SGO2: variants seen among roughly 807,000 people sequenced by gnomAD.
SGO2 encodes shugoshin 2.
A neutral mutation model predicts 99.5 loss-of-function variants in SGO2; 68 were observed. The observed-to-expected ratio is 0.68, with a 90% CI of 0.56 to 0.84. SGO2 has a LOEUF of 0.84. Among genes scored for constraint, SGO2 ranks in the 40% least tolerant of loss-of-function variants. The pLI is 0.00. For missense variants in SGO2, 1,350 were observed against 1,436.7 expected (o/e 0.94, Z 0.97); for synonymous variants, 457 against 487.1 (o/e 0.94, Z 0.81).
rs772961464 is a variant in SGO2 at position 200,535,031 on chromosome 2, A to G, written c.169A>G (p.Asn57Asp). 1.3e-6 allele frequency: 2 copies of G among 1,540,672 alleles called. No homozygotes were observed. The highest frequency in any genetic ancestry group is 1.7e-6 in the Non-Finnish European group (2 of 1,156,028). The change falls in exon 3 of 9, where the codon AAC becomes GAC. Residue 57 changes from asparagine to aspartate, a missense_variant. Physicochemically the swap from Asn to Asp is conservative, Grantham distance 23. Transcript: ENST00000357799. ...TATTTTCAAAATATCTTTAAAGCAC[A>G]ACAACAGGGCATTAGCTCAGGCTCT... is the stretch of plus-strand genomic sequence containing the variant. ...SSIFKISLKH[N>D]NRALAQALSR...
intron 5 of SGO2, among the ~76,000 whole-genome samples, chr2:200,556,548 G>A (rs139451474): frequency 4.4e-4 from 67 of 152,172 alleles, no homozygotes; most frequent in Non-Finnish European, 7.8e-4. Context: ...ACGAAGGGAA[G>A]CCAGAAGTCA....
In SGO2 at chr2:200,583,984, T is replaced by G. The variant is rs894645336; in HGVS notation, c.*520T>G. ...TTTCTATTATATGTAATCTGATGACTTAGAGGAGGAGATTAACCTTTCAGG... is the reference window on the plus strand; with the variant it reads ...TTTCTATTATATGTAATCTGATGACGTAGAGGAGGAGATTAACCTTTCAGG... On this transcript the variant is annotated 3_prime_UTR_variant, in exon 9 of 9. Coordinates refer to ENST00000357799, the MANE Select transcript of SGO2 (RefSeq NM_152524.6). 6.6e-6 allele frequency among the ~76,000 whole-genome samples: 1 copy of G among 152,246 alleles called. No homozygotes were observed. Among genetic ancestry groups the G allele is most frequent in the Admixed American group, 6.5e-5 (1 of 15,292 alleles).
intron 5 of SGO2, among the ~76,000 whole-genome samples, chr2:200,565,637 G>C (rs556841518): frequency 1.3e-5 from 2 of 152,288 alleles, no homozygotes; most frequent in East Asian, 1.9e-4. Context: ...AGTTTTCCTG[G>C]ATAATATCCG....
chr2:200,553,820 T>C (rs955413510), intron 5 of SGO2, among the ~76,000 whole-genome samples: 1 of 152,140 alleles, frequency 6.6e-6, no homozygotes, highest in Non-Finnish European at 1.5e-5. Flanking sequence ...AGTAAATTCC[T>C]CTCTTCTTGA....
chr2:200,561,794 T>G (rs2032983162), intron 5 of SGO2, among the ~76,000 whole-genome samples: 1 of 152,180 alleles, frequency 6.6e-6, no homozygotes, highest in Non-Finnish European at 1.5e-5. Flanking sequence ...TTGATTTGCA[T>G]TTCTCTGATG....
chr2:200,541,789 G>A (rs1035659255), intron 4 of SGO2, among the ~76,000 whole-genome samples: 15 of 152,138 alleles, frequency 9.9e-5, no homozygotes, highest in Admixed American at 6.5e-5. Flanking sequence ...GGTGAGTGTG[G>A]AAGTTTAGGT....
In SGO2 at chr2:200,571,186, G is replaced by A; in HGVS notation, c.840G>A (p.Trp280Ter). Residue 280 changes from tryptophan (W) to a stop codon, truncating the protein, a stop_gained, in exon 7 of 9, where the codon TGG (tryptophan) becomes TGA (stop). Transcript: ENST00000357799. LOFTEE classifies it high-confidence loss of function. The part of the protein sequence containing the change: ...VTERKKRGSS[W>*]ESNNLSADTP... ...AAAGGAAGAAGCGTGGGTCATCTTG[G>A]GAATCAAATAATCTTTCTGCAGACA... The A allele has an allele frequency of 1.9e-6, 3 of 1,613,566 alleles. No individual in the cohort carries two copies. The highest frequency in any genetic ancestry group is 2.5e-6 in the Non-Finnish European group (3 of 1,179,662).
At chr2:200,540,421 T>C (rs1477836407) in intron 4 of SGO2, among the ~76,000 whole-genome samples, 3 of 152,230 alleles carry the variant, frequency 2.0e-5, no homozygotes, top group Non-Finnish European at 2.9e-5. Context: ...AGACTTCCCA[T>C]TCAGCCTCTG....
intron 5 of SGO2, among the ~76,000 whole-genome samples, chr2:200,567,786 T>G (rs1449197663): frequency 6.6e-6 from 1 of 152,258 alleles, no homozygotes; most frequent in Non-Finnish European, 1.5e-5. Context: ...CATATGAGCA[T>G]TTCATTACTT....
chr2:200,552,053 T>G (rs1011628279), intron 5 of SGO2, among the ~76,000 whole-genome samples: 6 of 152,172 alleles, frequency 3.9e-5, no homozygotes, highest in Admixed American at 6.5e-5. Context: ...TGGAATATAG[T>G]TCAGTGCAGG....
chr2:200,546,867 G>A (rs558344412), intron 5 of SGO2, among the ~76,000 whole-genome samples: 1 of 152,140 alleles, frequency 6.6e-6, no homozygotes, highest in East Asian at 1.9e-4. Flanking sequence ...GTGCCTACAA[G>A]ATACAGAAAA....
At position 200,562,219 on chromosome 2, in the gene SGO2, G is replaced by C. The variant is rs1247558812; in HGVS notation, c.474-7444G>C. Among the ~76,000 whole-genome samples the C allele has an allele frequency of 8.5e-5, 13 of 152,172 alleles. No homozygotes were observed. The South Asian group carries it at 2.7e-3, about 32-fold the overall frequency. On this transcript the variant is annotated intron_variant, in intron 5 of 8. Transcript: ENST00000357799. ...AACATGTAAGTCTTTAATCCATCTT[G>C]AATTAATTTTTGTATAAGGTGTAAG...
intron 5 of SGO2, among the ~76,000 whole-genome samples, chr2:200,553,458 A>G (rs1276623351): frequency 6.6e-6 from 1 of 152,196 alleles, no homozygotes; most frequent in Non-Finnish European, 1.5e-5. Context: ...TGATGGGTTC[A>G]CAGGAATAAG....
chr2:200,537,458 T>C (rs1294779356), intron 4 of SGO2, among the ~76,000 whole-genome samples: 1 of 152,184 alleles, frequency 6.6e-6, no homozygotes, highest in East Asian at 1.9e-4. Context: ...CACTAAATCC[T>C]GAAAGTCACC....
intron 3 of SGO2, 28 bp from the exon 4 acceptor site, chr2:200,536,036 TA>T (rs1409337666): frequency 1.4e-6 from 2 of 1,404,460 alleles, no homozygotes; most frequent in Non-Finnish European, 2.0e-6. Flanking sequence ...CTTAACTGAT[TA>T]AAAGGGGTCT....
In SGO2 at chr2:200,535,069, A is replaced by G; in HGVS notation, c.207A>G (p.Lys69=). The change falls in exon 3 of 9, where the codon AAA becomes AAG. Residue 69 remains lysine (K), a synonymous_variant. Transcript: ENST00000357799. ...TAGCTCAGGCTCTTAGTAGAGAAAA[A>G]GAGAATTCTCGAAGAATTACAACTG... ...RALAQALSRE[K]ENSRRITTEK... 3.8e-6 allele frequency: 6 copies of G among 1,564,326 alleles called. No individual in the cohort carries two copies. Among genetic ancestry groups the G allele is most frequent in the Non-Finnish European group, 5.2e-6 (6 of 1,164,328 alleles).
intron 5 of SGO2, among the ~76,000 whole-genome samples, chr2:200,553,889 G>A (rs113283896): frequency 2.0e-5 from 3 of 152,164 alleles, no homozygotes; most frequent in South Asian, 2.1e-4. Context: ...TTTACTTACC[G>A]CAGGTCAAGA....
At position 200,577,282 on chromosome 2, in the gene SGO2, G is replaced by T. The variant is rs546826700; in HGVS notation, c.3782+1821G>T. Among the ~76,000 whole-genome samples the T allele has an allele frequency of 2.0e-5, 3 of 152,248 alleles. No individual in the cohort carries two copies. In the South Asian group the frequency reaches 6.2e-4, roughly 32 times the overall value. ...GATTTGCAATCCCCTGATAACTAAT[G>T]ATGTTGAGCGTCTTTTCATGTGCTT... is the stretch of plus-strand genomic sequence containing the variant. On this transcript the variant is annotated intron_variant, in intron 8 of 8. Coordinates refer to ENST00000357799, the MANE Select transcript of SGO2 (RefSeq NM_152524.6).
intron 1 of SGO2, among the ~76,000 whole-genome samples, chr2:200,532,663 A>G (rs2031466301): frequency 6.6e-6 from 1 of 152,180 alleles, no homozygotes; most frequent in Non-Finnish European, 1.5e-5. Context: ...CATTGTATGA[A>G]AACACTGTCT....
Sources: allele counts gnomAD v4.1 joint callset (sites outside exome capture counted in the v4.1 genomes callset), GRCh38; gene constraint gnomAD v4.1.1; transcripts MANE v1.5; gene names NCBI Gene and HGNC (gene_info 2026-07-23, HGNC 2026-07-21).